Variants in OSBP2 observed in about 807,000 individuals in gnomAD.
The protein encoded by OSBP2 is oxysterol-binding protein 2.
OSBP2 carries 66 observed loss-of-function variants against 96.0 expected under a neutral mutation model. The ratio of observed to expected loss-of-function variants is 0.69; its 90% CI spans 0.56 to 0.84. OSBP2 has a LOEUF of 0.84. Ranked by LOEUF, OSBP2 falls within the 40% of genes least tolerant of loss-of-function variation. The pLI is 0.00. For synonymous variants in OSBP2, 525 were observed against 520.9 expected (o/e 1.01, Z -0.11); for missense variants, 1,038 against 1,222.7 (o/e 0.85, Z 2.25).
chr22:30,747,646 C>A (rs1361743470), intron 2 of OSBP2, among the ~76,000 whole-genome samples: 3 of 152,134 alleles, frequency 2.0e-5, no homozygotes, highest in Non-Finnish European at 4.4e-5. Context: ...TGTGATCAGG[C>A]CCCTGCTGGC....
chr22:30,773,741 T>C (rs1451102627), intron 2 of OSBP2, among the ~76,000 whole-genome samples: 1 of 151,828 alleles, frequency 6.6e-6, no homozygotes, highest in Non-Finnish European at 1.5e-5. Context: ...CTGGGCCACA[T>C]GGATAAGCAG....
At chr22:30,830,577 A>ACCC (rs1475346776) in intron 2 of OSBP2, among the ~76,000 whole-genome samples, 43 of 152,250 alleles carry the variant, frequency 2.8e-4, no homozygotes, top group Non-Finnish European at 5.3e-4. Flanking sequence ...TGTGACTCTT[A>ACCC]GTTCATTAAC....
intron 1 of OSBP2, among the ~76,000 whole-genome samples, chr22:30,713,409 C>T (rs1408460130): frequency 1.3e-5 from 2 of 151,716 alleles, no homozygotes; most frequent in African/African-American, 4.8e-5. Context: ...TTTTTCTTTT[C>T]TTCCTAACAT....
At chr22:30,889,048 A>C (rs559327970) in intron 5 of OSBP2, 129 bp from the exon 6 acceptor site, 17 of 739,616 alleles carry the variant, frequency 2.3e-5, no homozygotes, top group Non-Finnish European at 3.6e-5. Context: ...CTGTCTACAC[A>C]CAGAACACAC....
intron 8 of OSBP2, among the ~76,000 whole-genome samples, chr22:30,891,785 T>C (rs1317550942): frequency 1.3e-5 from 2 of 152,136 alleles, no homozygotes; most frequent in Non-Finnish European, 2.9e-5. Flanking sequence ...GTGAATGTAT[T>C]TCTCCACTTA....
chr22:30,886,345 T>C (rs1329885896), intron 3 of OSBP2, among the ~76,000 whole-genome samples: 1 of 152,204 alleles, frequency 6.6e-6, no homozygotes, highest in Admixed American at 6.5e-5. Context: ...CTGGGATCAA[T>C]AGAAAGGAAA....
At position 30,907,795 on chromosome 22, in the gene OSBP2, A is replaced by C. The variant is rs2040361902; in HGVS notation, c.*1456A>C. ...TAGCGAGCACCTTTTGACCAGTAAT[A>C]AAAAACCTTGGCTTTGGAGTTTTCC... On this transcript the variant is annotated 3_prime_UTR_variant, in exon 14 of 14. Coordinates refer to ENST00000332585, the MANE Select transcript of OSBP2 (RefSeq NM_030758.4). The C allele has an allele frequency of 6.6e-6, 1 of 152,610 alleles. No individual in the cohort carries two copies. Among genetic ancestry groups the C allele is most frequent in the Admixed American group, 6.5e-5 (1 of 15,276 alleles). The allele number at this position is 152,610 out of a possible 1,614,324, so 9.5% of individuals were successfully genotyped here.
rs1036888578 is a variant in OSBP2, at chr22:30,871,780, G to A, written c.1107+1098G>A. Reference sequence around the variant, plus strand: ...GGGAAGATAGAGGCTGGAGCTCACCGCAGGCCAAGAGCCCAGGCTAAAACC... The same window carrying A: ...GGGAAGATAGAGGCTGGAGCTCACCACAGGCCAAGAGCCCAGGCTAAAACC... On this transcript the variant is annotated intron_variant, in intron 3 of 13. Coordinates refer to ENST00000332585, the MANE Select transcript of OSBP2 (RefSeq NM_030758.4). This position sits in a 1 kb window ranked among gnomAD's most constrained non-coding sequence, Gnocchi z 4.7. Among the ~76,000 whole-genome samples, 4 of 152,192 alleles carry A rather than the reference G, an allele frequency of 2.6e-5. No homozygotes were observed. Among genetic ancestry groups the A allele is most frequent in the African/African-American group, 7.2e-5 (3 of 41,464 alleles).
chr22:30,793,624 A>G (rs1407908949), intron 2 of OSBP2, among the ~76,000 whole-genome samples: 1 of 152,148 alleles, frequency 6.6e-6, no homozygotes, highest in East Asian at 1.9e-4. Flanking sequence ...CATCTCTGCA[A>G]AAAAATACAA....
At chr22:30,902,461 G>A in intron 12 of OSBP2, 4 of 1,584,890 alleles carry the variant, frequency 2.5e-6, no homozygotes, top group Non-Finnish European at 3.5e-6. Context: ...CAGAAAACAA[G>A]ATAAAGGTGG....
At chr22:30,877,870 T>C (rs1028912333) in intron 3 of OSBP2, among the ~76,000 whole-genome samples, 2 of 152,234 alleles carry the variant, frequency 1.3e-5, no homozygotes, top group Non-Finnish European at 2.9e-5. Flanking sequence ...TGACCCCCTG[T>C]GGCACTTGGG....
chr22:30,902,269 CAT>C, intron 12 of OSBP2: 1 of 1,588,604 alleles, frequency 6.3e-7, no homozygotes, highest in Non-Finnish European at 8.6e-7. Flanking sequence ...TTCAGGGCGA[CAT>C]AGATGCTATC....
At chr22:30,888,057 G>A (rs1486657890) in intron 4 of OSBP2, among the ~76,000 whole-genome samples, 166 bp from the exon 5 acceptor site, 1 of 152,208 alleles carries the variant, frequency 6.6e-6, no homozygotes. Flanking sequence ...TTCTAGCAGA[G>A]GGAGCAAGGG....
intron 2 of OSBP2, among the ~76,000 whole-genome samples, chr22:30,753,958 G>C (rs1332326178): frequency 2.4e-4 from 36 of 152,114 alleles, no homozygotes; most frequent in Non-Finnish European, 4.4e-5. Flanking sequence ...CCTTCCACCT[G>C]TGTATTTGGG....
chr22:30,821,685 C>T (rs1175308120), intron 2 of OSBP2, among the ~76,000 whole-genome samples: 2 of 151,964 alleles, frequency 1.3e-5, no homozygotes, highest in Admixed American at 6.6e-5. Context: ...AGGCGGTGGG[C>T]GCTTCTTTAC....
intron 3 of OSBP2, chr22:30,872,381 G>A (rs1340273853): frequency 2.2e-6 from 1 of 456,514 alleles, no homozygotes. Context: ...TGAATAAGCA[G>A]TTTTGGCTTT....
intron 1 of OSBP2, among the ~76,000 whole-genome samples, chr22:30,739,685 T>C (rs935946187): frequency 2.0e-5 from 3 of 152,064 alleles, no homozygotes; most frequent in African/African-American, 7.2e-5. Context: ...CCTTGCCTGC[T>C]GCCTAGACGG....
intron 2 of OSBP2, among the ~76,000 whole-genome samples, chr22:30,868,065 T>C (rs914722629): frequency 5.9e-5 from 9 of 152,366 alleles, no homozygotes; most frequent in Middle Eastern, 3.4e-3. Flanking sequence ...CTGGGCAATT[T>C]CAATGTACCT....
At chr22:30,767,928 G>A (rs2090296643) in intron 2 of OSBP2, among the ~76,000 whole-genome samples, 1 of 152,180 alleles carries the variant, frequency 6.6e-6, no homozygotes, top group African/African-American at 2.4e-5. Flanking sequence ...CAGTTCCCAG[G>A]TATCCACATT....
Sources: gnomAD v4.1 joint callset for allele counts (sites outside exome capture counted in the v4.1 genomes callset) on GRCh38, gnomAD v4.1.1 for gene constraint, Gnocchi (gnomAD v3.1) non-coding constraint, MANE v1.5 for transcripts, NCBI Gene and HGNC (gene_info 2026-07-23, HGNC 2026-07-21) for gene names.